SGCZ: variants seen among roughly 807,000 people sequenced by gnomAD.
The protein encoded by SGCZ is sarcoglycan zeta.
Under a neutral mutation model 41.3 loss-of-function variants are expected in SGCZ, and 40 were observed. The ratio of observed to expected loss-of-function variants is 0.97; its 90% CI spans 0.75 to 1.26. The LOEUF (loss-of-function observed/expected upper bound fraction) is 1.26, where lower values mean the gene tolerates loss of function less well. Ranked by LOEUF, SGCZ falls within the 50% of genes most tolerant of loss-of-function variation. SGCZ has a pLI of 0.00. For missense variants in SGCZ, 552 were observed against 369.8 expected (o/e 1.49, Z -4.04); for synonymous variants, 206 against 137.5 (o/e 1.50, Z -3.49).
intron 5 of SGCZ, among the ~76,000 whole-genome samples, chr8:14,136,565 G>A (rs1443259631): frequency 6.6e-6 from 1 of 152,186 alleles, no homozygotes. Context: ...AGCAGTCCCA[G>A]ATCAAACTGC....
At chr8:14,418,817 T>C (rs867321406) in intron 2 of SGCZ, among the ~76,000 whole-genome samples, 2 of 151,978 alleles carry the variant, frequency 1.3e-5, no homozygotes, top group Admixed American at 6.6e-5. Flanking sequence ...CTATACATAG[T>C]CCAAAATGTA....
At chr8:14,862,608 T>TTA (rs200929485) in intron 1 of SGCZ, among the ~76,000 whole-genome samples, 2,220 of 133,000 alleles carry the variant, frequency 0.017, 85 homozygotes, top group East Asian at 0.16. Flanking sequence ...AACATACATT[T>TTA]TATATATATA....
At chr8:14,255,517 G>A (rs1430725642) in intron 3 of SGCZ, among the ~76,000 whole-genome samples, 2 of 151,870 alleles carry the variant, frequency 1.3e-5, no homozygotes, top group Admixed American at 6.6e-5. Context: ...GTATTCAACT[G>A]ATAAAAAGAC....
At chr8:14,634,476 G>A (rs1316081968) in intron 1 of SGCZ, among the ~76,000 whole-genome samples, 1 of 151,822 alleles carries the variant, frequency 6.6e-6, no homozygotes, top group East Asian at 1.9e-4. Flanking sequence ...AAACCACAGT[G>A]TACCAAGTTA....
intron 1 of SGCZ, among the ~76,000 whole-genome samples, chr8:14,931,387 A>G (rs1799919238): frequency 6.6e-6 from 1 of 152,110 alleles, no homozygotes; most frequent in Non-Finnish European, 1.5e-5. Flanking sequence ...AATAAATAAT[A>G]GATAAAATTC....
intron 2 of SGCZ, among the ~76,000 whole-genome samples, chr8:14,490,428 A>C (rs1453534152): frequency 6.6e-6 from 1 of 152,168 alleles, no homozygotes; most frequent in African/African-American, 2.4e-5. Context: ...AGGAAATACC[A>C]ATATATTTTG....
At chr8:14,678,810 T>C (rs559367110) in intron 1 of SGCZ, among the ~76,000 whole-genome samples, 1 of 152,240 alleles carries the variant, frequency 6.6e-6, no homozygotes, top group East Asian at 1.9e-4. Context: ...AACAGATAAA[T>C]ACACTGGTAC....
intron 1 of SGCZ, among the ~76,000 whole-genome samples, chr8:14,991,831 C>T (rs1327169812): frequency 6.6e-6 from 1 of 151,256 alleles, no homozygotes; most frequent in Non-Finnish European, 1.5e-5. Context: ...TCGTCCTCAT[C>T]TAATCGACAC....
At chr8:14,920,193 G>C (rs945469978) in intron 1 of SGCZ, among the ~76,000 whole-genome samples, 1 of 152,022 alleles carries the variant, frequency 6.6e-6, no homozygotes, top group African/African-American at 2.4e-5. Context: ...TGGAGGGCTG[G>C]GATTGCTGCC....
rs140766313 is a variant in SGCZ, at chr8:14,237,376, A to C, written c.424+216T>G. On this transcript the variant is annotated intron_variant, in intron 4 of 7. Transcript: ENST00000382080. ...AACATACTTCCACTTTTCTCAATTA[A>C]AACAAGCACAGTAGGCCAGATGACC... Among the ~76,000 whole-genome samples, 13 of 152,172 alleles carry C rather than the reference A, an allele frequency of 8.5e-5. No individual in the cohort carries two copies. The highest frequency in any genetic ancestry group is 3.1e-4 in the African/African-American group (13 of 41,506).
intron 3 of SGCZ, among the ~76,000 whole-genome samples, chr8:14,308,446 A>G (rs1396096058): frequency 1.3e-5 from 2 of 152,078 alleles, no homozygotes; most frequent in Non-Finnish European, 2.9e-5. Context: ...CAAGAAAAGC[A>G]CAGAATGACC....
intron 2 of SGCZ, among the ~76,000 whole-genome samples, chr8:14,529,189 T>C (rs1803049527): frequency 6.6e-6 from 1 of 152,182 alleles, no homozygotes; most frequent in Admixed American, 6.6e-5. Flanking sequence ...AGTACTTGCA[T>C]GATTTGGATT....
At position 14,237,704 on chromosome 8, in the gene SGCZ, A is replaced by G. The variant is rs1378544561; in HGVS notation, c.337-25T>C. The G allele has an allele frequency of 1.9e-5, 30 of 1,575,952 alleles. No homozygotes were observed. The Admixed American group carries it at 5.4e-4, about 28-fold the overall frequency. The stretch of plus-strand genomic sequence containing the variant: ...CCTGGGAAACATGTATAAAATAAAT[A>G]AATAGAAAATAGAAATATCGTCAAA... On this transcript the variant is annotated intron_variant, in intron 3 of 7. Coordinates refer to ENST00000382080, the MANE Select transcript of SGCZ (RefSeq NM_139167.4).
chr8:14,973,999 A>G (rs1801383041), intron 1 of SGCZ, among the ~76,000 whole-genome samples: 1 of 152,182 alleles, frequency 6.6e-6, no homozygotes, highest in Non-Finnish European at 1.5e-5. Flanking sequence ...TCTGAGGGTG[A>G]AAACAAGGAA....
chr8:14,615,220 C>G (rs1028852182), intron 1 of SGCZ, among the ~76,000 whole-genome samples: 1 of 152,108 alleles, frequency 6.6e-6, no homozygotes, highest in African/African-American at 2.4e-5. Flanking sequence ...ACTTTGAATT[C>G]CTACATAACA....
At chr8:14,369,021 A>ATTGTG (rs1554507438) in intron 2 of SGCZ, among the ~76,000 whole-genome samples, 1 of 145,528 alleles carries the variant, frequency 6.9e-6, no homozygotes, top group Non-Finnish European at 1.5e-5. Context: ...GCAAATGTAA[A>ATTGTG]TGTGTGTGTG....
intron 1 of SGCZ, among the ~76,000 whole-genome samples, chr8:15,218,076 C>T (rs1252027339): frequency 1.3e-5 from 2 of 152,128 alleles, no homozygotes; most frequent in Admixed American, 1.3e-4. Flanking sequence ...AGCCCATTTA[C>T]ATAAAATACA....
intron 7 of SGCZ, among the ~76,000 whole-genome samples, chr8:14,097,007 T>C (rs1167563293): frequency 6.6e-6 from 1 of 152,106 alleles, no homozygotes; most frequent in East Asian, 1.9e-4. Context: ...TCTTTATTAG[T>C]CTGGCTAGCG....
intron 1 of SGCZ, among the ~76,000 whole-genome samples, chr8:14,713,382 G>T (rs1219308414): frequency 6.6e-6 from 1 of 152,012 alleles, no homozygotes; most frequent in Non-Finnish European, 1.5e-5. Flanking sequence ...CACCATTATT[G>T]TAATTTAAGG....
Sources: allele counts gnomAD v4.1 joint callset (sites outside exome capture counted in the v4.1 genomes callset), GRCh38; gene constraint gnomAD v4.1.1; transcripts MANE v1.5; gene names NCBI Gene and HGNC (gene_info 2026-07-23, HGNC 2026-07-21).